The following CEP85L variants were observed in gnomAD, a reference collection of about 807,000 sequenced individuals.
The protein encoded by CEP85L is centrosomal protein of 85 kDa-like.
A neutral mutation model predicts 100.3 loss-of-function variants in CEP85L; 60 were observed. The ratio of observed to expected loss-of-function variants is 0.60; its 90% confidence interval spans 0.49 to 0.74. The LOEUF (loss-of-function observed/expected upper bound fraction) is 0.74. Among genes scored for constraint, CEP85L ranks in the 30% least tolerant of loss-of-function variants. CEP85L has a pLI of 0.00. For synonymous variants in CEP85L, 319 were observed against 322.7 expected, an observed-to-expected ratio of 0.99 and a Z score of 0.12; for missense variants, 973 against 936.2, an observed-to-expected ratio of 1.04 and a Z score of -0.51.
intron 2 of CEP85L, among the ~76,000 whole-genome samples, chr6:118,567,209 ATGTGTGTGTGTGTGTGTGTGTGTGTG>A (rs68047463): frequency 2.2e-5 from 2 of 89,678 alleles, no homozygotes; most frequent in African/African-American, 8.7e-5. Flanking sequence ...ATATATATGT[ATGTGTGTGTGTGTGTGTGTGTGTGTG>A]TGTGTGTGTG....
chr6:118,546,694 T>C (rs889898987), intron 3 of CEP85L, among the ~76,000 whole-genome samples: 10 of 152,276 alleles, frequency 6.6e-5, no homozygotes, highest in African/African-American at 2.4e-4. Flanking sequence ...TAGCAGCTGG[T>C]TATCTCTGAC....
At chr6:118,690,910 A>C (rs1299975368) in intron 1 of CEP85L, among the ~76,000 whole-genome samples, 1 of 152,026 alleles carries the variant, frequency 6.6e-6, no homozygotes, top group African/African-American at 2.4e-5. Context: ...AGGTAGGAGG[A>C]TCACTTGAGC....
intron 1 of CEP85L, among the ~76,000 whole-genome samples, chr6:118,642,685 G>A (rs1006907642): frequency 1.3e-5 from 2 of 152,100 alleles, no homozygotes; most frequent in African/African-American, 4.8e-5. Context: ...AGGCTGAGCA[G>A]GGTGGATCAC....
chr6:118,579,240 T>C (rs748979718), intron 2 of CEP85L, among the ~76,000 whole-genome samples: 1 of 152,074 alleles, frequency 6.6e-6, no homozygotes, highest in Non-Finnish European at 1.5e-5. Flanking sequence ...ACAGGCATTC[T>C]GATCTCTAGC....
chr6:118,573,460 T>C (rs991383166), intron 2 of CEP85L, among the ~76,000 whole-genome samples: 1 of 152,142 alleles, frequency 6.6e-6, no homozygotes, highest in Non-Finnish European at 1.5e-5. Context: ...AATTCTGAGT[T>C]GAAAAAAGGA....
chr6:118,624,420 C>G (rs558780188), intron 2 of CEP85L, among the ~76,000 whole-genome samples: 1 of 151,998 alleles, frequency 6.6e-6, no homozygotes, highest in African/African-American at 2.4e-5. Flanking sequence ...TTTCTACTAC[C>G]GCTCCACCTA....
At chr6:118,519,410 G>A (rs1269764609) in intron 4 of CEP85L, among the ~76,000 whole-genome samples, 1 of 148,290 alleles carries the variant, frequency 6.7e-6, no homozygotes, top group Admixed American at 6.7e-5. Flanking sequence ...CCGCACTCCA[G>A]TCTGGGTGAC....
rs151112761 is a variant in CEP85L at position 118,558,962 on chromosome 6, G to T, written c.1020+6567C>A. ...TACCTCACTCGCTCAGCTATAAGAA[G>T]AGCCTCAACCATTGAAATGCCTCAA... On this transcript the variant is annotated intron_variant, in intron 3 of 12. Coordinates refer to ENST00000368491, the MANE Select transcript of CEP85L (RefSeq NM_001042475.3). The T allele has an allele frequency of 3.1e-6, 5 of 1,613,678 alleles. No homozygotes were observed. In the Admixed American group the frequency reaches 6.7e-5, roughly 22 times the overall value.
chr6:118,668,275 A>G (rs17080466), intron 1 of CEP85L, among the ~76,000 whole-genome samples: 1,796 of 152,298 alleles, frequency 0.012, 46 homozygotes, highest in African/African-American at 0.041. Flanking sequence ...CAAAGTTTAG[A>G]TATCAACCTA....
At chr6:118,586,616 C>A (rs1374821894) in intron 2 of CEP85L, among the ~76,000 whole-genome samples, 2 of 149,802 alleles carry the variant, frequency 1.3e-5, no homozygotes, top group Non-Finnish European at 2.9e-5. Flanking sequence ...GAGCAACCCC[C>A]AACAGCCCAG....
chr6:118,485,998 T>C (rs112244692), intron 6 of CEP85L, among the ~76,000 whole-genome samples: 1 of 152,338 alleles, frequency 6.6e-6, no homozygotes, highest in African/African-American at 2.4e-5. Context: ...TTCTTTTTCT[T>C]TTGGTTGTCC....
chr6:118,486,805 T>C (rs1774217570), intron 6 of CEP85L, among the ~76,000 whole-genome samples: 1 of 152,150 alleles, frequency 6.6e-6, no homozygotes, highest in Non-Finnish European at 1.5e-5. Flanking sequence ...TACCAACCCT[T>C]CCCGAACTTG....
chr6:118,695,217 C>T (rs12200660), intron 1 of CEP85L, among the ~76,000 whole-genome samples: 4,340 of 152,302 alleles, frequency 0.028, 99 homozygotes, highest in African/African-American at 0.053. Flanking sequence ...AATACTGTTT[C>T]TCCCCTGGTG....
intron 3 of CEP85L, among the ~76,000 whole-genome samples, chr6:118,555,090 T>G (rs1778773806): frequency 6.6e-6 from 1 of 152,186 alleles, no homozygotes. Context: ...TTACCAAGTC[T>G]AATTATTATT....
chr6:118,647,631 G>A (rs1775288121), intron 1 of CEP85L, among the ~76,000 whole-genome samples: 1 of 152,062 alleles, frequency 6.6e-6, no homozygotes, highest in African/African-American at 2.4e-5. Context: ...CAAAGTGCTG[G>A]GATTATAGGC....
chr6:118,697,094 T>A, intron 1 of CEP85L, among the ~76,000 whole-genome samples: 1 of 152,196 alleles, frequency 6.6e-6, no homozygotes, highest in East Asian at 1.9e-4. Flanking sequence ...TGGCCCTTTT[T>A]GAGGCTCACG....
intron 1 of CEP85L, among the ~76,000 whole-genome samples, chr6:118,677,176 T>TA (rs970821264): frequency 2.6e-5 from 4 of 151,840 alleles, no homozygotes; most frequent in Admixed American, 6.6e-5. Context: ...CTCATCTGCT[T>TA]AAAAAAAATG....
intron 1 of CEP85L, among the ~76,000 whole-genome samples, chr6:118,663,646 AT>A (rs1430096045): frequency 6.6e-6 from 1 of 152,160 alleles, no homozygotes. Context: ...TTTGATATAG[AT>A]TTGACATATT....
intron 2 of CEP85L, among the ~76,000 whole-genome samples, chr6:118,574,972 G>A (rs1320433665): frequency 6.6e-6 from 1 of 152,104 alleles, no homozygotes; most frequent in Non-Finnish European, 1.5e-5. Context: ...CCTCCAGTTG[G>A]TTGGGGGGCG....
Sources: gnomAD v4.1 joint callset for allele counts (sites outside exome capture counted in the v4.1 genomes callset) on GRCh38, gnomAD v4.1.1 for gene constraint, MANE v1.5 for transcripts, NCBI Gene and HGNC (gene_info 2026-07-23, HGNC 2026-07-21) for gene names.